MS4A3: variants seen among roughly 807,000 people sequenced by gnomAD.
The protein encoded by MS4A3 is membrane spanning 4-domains A3, also known as membrane-spanning 4-domains subfamily A member 3.
Under a neutral mutation model 24.7 loss-of-function variants are expected in MS4A3, and 18 were observed. That is an observed-to-expected ratio of 0.73 (90% CI 0.50 to 1.08). The LOEUF is 1.08. Ranked by LOEUF, MS4A3 falls within the 50% of genes least tolerant of loss-of-function variation. The pLI is 0.00. For synonymous variants in MS4A3, 84 were observed against 95.3 expected (o/e 0.88, Z 0.69); for missense variants, 282 against 251.7 (o/e 1.12, Z -0.82).
At chr11:60,062,712 T>A in intron 3 of MS4A3, 107 bp downstream of exon 3, 3 of 1,274,008 alleles carry the variant, frequency 2.4e-6, no homozygotes, top group Non-Finnish European at 3.2e-6. Flanking sequence ...GGTTGCATGC[T>A]GTGGTTTTGA....
chr11:60,057,069 G>T (rs545526581), intron 1 of MS4A3, among the ~76,000 whole-genome samples: 2 of 152,150 alleles, frequency 1.3e-5, no homozygotes, highest in South Asian at 2.1e-4. Context: ...GGGTGGTCTC[G>T]ATATGCCTGA....
rs534525092 is a variant in MS4A3 at position 60,061,779 on chromosome 11, C to T, written c.156+463C>T. 5.3e-5 allele frequency among the ~76,000 whole-genome samples: 8 copies of T among 152,226 alleles called. No homozygotes were observed. The East Asian group carries it at 1.5e-3, about 29-fold the overall frequency. On this transcript the variant is annotated intron_variant, in intron 2 of 6. Transcript: ENST00000278865. The stretch of plus-strand genomic sequence containing the variant: ...GGGCATTCCAAACCCCAATGTTGTT[C>T]AAGAGCCAACTGTATCATGTAGAAA...
At chr11:60,067,339 G>A (rs1222929182) in intron 5 of MS4A3, among the ~76,000 whole-genome samples, 2 of 150,440 alleles carry the variant, frequency 1.3e-5, no homozygotes, top group African/African-American at 2.4e-5. Context: ...TCAGCCTCCC[G>A]AGTAGCTGGG....
At chr11:60,063,631 T>C (rs1855312824) in intron 3 of MS4A3, among the ~76,000 whole-genome samples, 1 of 152,240 alleles carries the variant, frequency 6.6e-6, no homozygotes, top group Admixed American at 6.5e-5. Flanking sequence ...CTGCTGACTG[T>C]TCCTTTTGCC....
intron 3 of MS4A3, among the ~76,000 whole-genome samples, chr11:60,063,081 G>A (rs1329486631): frequency 1.3e-5 from 2 of 152,180 alleles, no homozygotes; most frequent in African/African-American, 4.8e-5. Context: ...TGCCAGGCAT[G>A]AGCCCTGATG....
chr11:60,057,421 G>A (rs1855188952), intron 1 of MS4A3, among the ~76,000 whole-genome samples: 1 of 152,040 alleles, frequency 6.6e-6, no homozygotes, highest in Non-Finnish European at 1.5e-5. Context: ...GTGTGTGAGA[G>A]AGAGACAGAG....
At chr11:60,060,647 T>A (rs995397160) in intron 1 of MS4A3, among the ~76,000 whole-genome samples, 12 of 152,280 alleles carry the variant, frequency 7.9e-5, no homozygotes, top group African/African-American at 2.4e-4. Flanking sequence ...ATTTTTTTCA[T>A]CTGTGAAACG....
At position 60,060,953 on chromosome 11, in the gene MS4A3, C is replaced by T. The variant is rs570606767; in HGVS notation, c.-15-193C>T. On this transcript the variant is annotated intron_variant, in intron 1 of 6. Coordinates refer to ENST00000278865, the MANE Select transcript of MS4A3 (RefSeq NM_006138.5). ...AGCACCAAGGCCTACTACAATGACC[C>T]GATGATGTCTACTACTCCAAGGCAA... The T allele has an allele frequency of 4.0e-5, 17 of 426,194 alleles. No homozygotes were observed. In the Middle Eastern group the frequency reaches 1.5e-3, roughly 37 times the overall value. 26.4% of individuals were successfully genotyped at this position (426,194 alleles called of 1,614,324 possible).
chr11:60,062,900 T>A (rs532601937), intron 3 of MS4A3, among the ~76,000 whole-genome samples: 8 of 152,260 alleles, frequency 5.3e-5, no homozygotes, highest in Non-Finnish European at 8.8e-5. Flanking sequence ...CAAGTGATTC[T>A]CTTGCCTCAG....
intron 2 of MS4A3, chr11:60,061,591 G>T: frequency 2.2e-6 from 1 of 446,870 alleles, no homozygotes; most frequent in Non-Finnish European, 4.2e-6. Context: ...TTTCCTTAAC[G>T]TTTTTAGTTT....
intron 4 of MS4A3, among the ~76,000 whole-genome samples, chr11:60,066,650 C>T (rs1258622987): frequency 6.6e-6 from 1 of 152,212 alleles, no homozygotes; most frequent in Non-Finnish European, 1.5e-5. Flanking sequence ...CCACTCCTCT[C>T]TTTGGATTCC....
chr11:60,060,619 C>T (rs905011997), intron 1 of MS4A3, among the ~76,000 whole-genome samples: 2 of 151,998 alleles, frequency 1.3e-5, no homozygotes, highest in South Asian at 2.1e-4. Flanking sequence ...GTAAGTTTCT[C>T]GGTCTCTCTA....
chr11:60,068,181 C>T (rs112066879), intron 5 of MS4A3, among the ~76,000 whole-genome samples: 2,707 of 151,538 alleles, frequency 0.018, 89 homozygotes, highest in African/African-American at 0.062. Context: ...TGAAGGACTG[C>T]GCTTTAGAAT....
chr11:60,069,709 A>C (rs1855444898), intron 6 of MS4A3, 34 bp downstream of exon 6: 1 of 1,485,332 alleles, frequency 6.7e-7, no homozygotes, highest in African/African-American at 1.4e-5. Flanking sequence ...CATTCACATG[A>C]TCTCAAAGCC....
intron 2 of MS4A3, 26 bp from the exon 3 acceptor site, chr11:60,062,441 AC>A: frequency 6.2e-7 from 1 of 1,613,752 alleles, no homozygotes; most frequent in African/African-American, 1.3e-5. Flanking sequence ...TATGACTGTT[AC>A]GCCTTTTTCC....
rs569831424 is a variant in MS4A3, at chr11:60,070,212, C to T, written c.624C>T (p.Ser208=). Residue 208 remains serine, a synonymous_variant, in exon 7 of 7, where the codon TCC becomes TCT. Transcript: ENST00000278865. ...GTTGTTTTATTTTCTAGGAAATTTC[C>T]TCACCTCCCAATTCTGTGTAATCAA... ...ANCCNSREEI[S]SPPNSV The T allele has an allele frequency of 2.5e-6, 4 of 1,602,370 alleles. No individual in the cohort carries two copies. The African/African-American group carries it at 5.4e-5, about 22-fold the overall frequency.
At chr11:60,068,456 G>A (rs1345054472) in intron 5 of MS4A3, among the ~76,000 whole-genome samples, 1 of 142,636 alleles carries the variant, frequency 7.0e-6, no homozygotes, top group Non-Finnish European at 1.5e-5. Context: ...GTTTCACTGT[G>A]TTAGCCAGGA....
chr11:60,061,546 TAATG>T (rs1389607918), intron 2 of MS4A3: 2 of 595,298 alleles, frequency 3.4e-6, no homozygotes, highest in East Asian at 3.6e-5. Flanking sequence ...TACTTCCACT[TAATG>T]AATAGTAAAT....
intron 5 of MS4A3, among the ~76,000 whole-genome samples, chr11:60,068,795 C>G (rs1271842326): frequency 6.6e-6 from 1 of 152,000 alleles, no homozygotes; most frequent in African/African-American, 2.4e-5. Flanking sequence ...TGTTTGTTTG[C>G]TGCATCTATT....
Sources: gnomAD v4.1 joint callset for allele counts (sites outside exome capture counted in the v4.1 genomes callset) on GRCh38, gnomAD v4.1.1 for gene constraint, MANE v1.5 for transcripts, NCBI Gene and HGNC (gene_info 2026-07-23, HGNC 2026-07-21) for gene names.